The following TENM2 variants were observed in gnomAD, a reference collection of about 807,000 sequenced individuals.
TENM2 encodes teneurin transmembrane protein 2, also known as teneurin-2.
A neutral mutation model predicts 245.2 loss-of-function variants in TENM2; 52 were observed. The observed-to-expected ratio is 0.21, with a 90% CI of 0.17 to 0.27. The LOEUF (loss-of-function observed/expected upper bound fraction) is 0.27. TENM2 is among the 10% of genes least tolerant of loss of function. TENM2 has a pLI of 1.00. For missense variants in TENM2, 3,046 were observed against 3,666.8 expected, an observed-to-expected ratio of 0.83 and a Z score of 4.37; for synonymous variants, 1,363 against 1,438.9, an observed-to-expected ratio of 0.95 and a Z score of 1.19.
At chr5:167,726,757 C>T (rs1760036801) in intron 2 of TENM2, among the ~76,000 whole-genome samples, 3 of 152,236 alleles carry the variant, frequency 2.0e-5, no homozygotes, top group South Asian at 2.1e-4. Context: ...CTATGCTGGG[C>T]CCCCTTTTCT....
intron 2 of TENM2, among the ~76,000 whole-genome samples, chr5:167,797,577 C>T (rs946929201): frequency 6.6e-6 from 1 of 152,108 alleles, no homozygotes; most frequent in African/African-American, 2.4e-5. Context: ...GTATTTCTTT[C>T]GCAATGTGTG....
intron 2 of TENM2, among the ~76,000 whole-genome samples, chr5:167,872,328 A>AAG (rs1772922710): frequency 1.6e-5 from 2 of 124,060 alleles, no homozygotes; most frequent in Non-Finnish European, 3.6e-5. Context: ...GAAAGAAAGA[A>AAG]AGAAAGAAAG....
chr5:167,880,521 A>G (rs1451518250), intron 3 of TENM2, among the ~76,000 whole-genome samples: 1 of 135,910 alleles, frequency 7.4e-6, no homozygotes, highest in Non-Finnish European at 1.7e-5. Flanking sequence ...GGAAAAGAAG[A>G]TGCATAATAC....
At chr5:167,423,774 AT>A (rs1240788509) in intron 2 of TENM2, among the ~76,000 whole-genome samples, 1 of 152,150 alleles carries the variant, frequency 6.6e-6, no homozygotes, top group Non-Finnish European at 1.5e-5. Flanking sequence ...AATCATTTTC[AT>A]TCACCCTCGG....
intron 2 of TENM2, among the ~76,000 whole-genome samples, chr5:167,869,974 A>G (rs1772674698): frequency 6.6e-6 from 1 of 152,228 alleles, no homozygotes; most frequent in Non-Finnish European, 1.5e-5. Context: ...CAAACCCCAA[A>G]GATTTAGAGA....
the TENM2 span, among the ~76,000 whole-genome samples, chr5:167,231,030 T>C: frequency 0.034 from 5,221 of 152,248 alleles, 300 homozygotes; most frequent in African/African-American, 0.12. Flanking sequence ...GCACTCATTC[T>C]CTCTCCTGCT....
chr5:167,992,901 T>G, intron 4 of TENM2, 43 bp from the exon 7 acceptor site: 1 of 1,506,858 alleles, frequency 6.6e-7, no homozygotes, highest in Non-Finnish European at 9.2e-7. Context: ...TGTTGCTCCT[T>G]GGCTACCCAT....
chr5:167,128,095 C>T, the TENM2 span, among the ~76,000 whole-genome samples: 1 of 152,172 alleles, frequency 6.6e-6, no homozygotes, highest in Non-Finnish European at 1.5e-5. Flanking sequence ...CATAGCCTTC[C>T]TGTGCCTGCG....
chr5:167,890,551 T>C (rs982233429), intron 3 of TENM2, among the ~76,000 whole-genome samples: 5 of 152,146 alleles, frequency 3.3e-5, no homozygotes, highest in Non-Finnish European at 4.4e-5. Flanking sequence ...GTGACAATGT[T>C]GAAAAACCAA....
At chr5:167,194,937 C>T in the TENM2 span, among the ~76,000 whole-genome samples, 9 of 151,944 alleles carry the variant, frequency 5.9e-5, no homozygotes, top group African/African-American at 9.7e-5. Flanking sequence ...TGTTAGGTGC[C>T]GAACATCACA....
At chr5:167,493,120 A>C (rs929857091) in intron 2 of TENM2, among the ~76,000 whole-genome samples, 8 of 152,170 alleles carry the variant, frequency 5.3e-5, no homozygotes, top group Non-Finnish European at 1.2e-4. Flanking sequence ...TATTCATTGA[A>C]TCATTCATTC....
rs959864532 is a variant in TENM2, at chr5:168,246,191, G to A, written c.5818-566G>A. Among the ~76,000 whole-genome samples, 9 of 148,386 alleles carry A rather than the reference G, an allele frequency of 6.1e-5. No homozygotes were observed. In the Admixed American group the frequency reaches 6.1e-4, roughly 10 times the overall value. On this transcript the variant is annotated intron_variant, in intron 26 of 28. Coordinates refer to ENST00000518659, the Ensembl canonical transcript of TENM2. Reference sequence around the variant, plus strand: ...GAGTAGGTTGCAGTGAGCTGAGATTGCACCACTGCACTCCAGCCTGGGTGA... The same window carrying A: ...GAGTAGGTTGCAGTGAGCTGAGATTACACCACTGCACTCCAGCCTGGGTGA...
chr5:167,283,067 G>A (rs1771145133), upstream of TENM2, among the ~76,000 whole-genome samples: 1 of 151,158 alleles, frequency 6.6e-6, no homozygotes, highest in Non-Finnish European at 1.5e-5. Context: ...TTTTTGAGAT[G>A]GAGTTTCACA....
intron 5 of TENM2, among the ~76,000 whole-genome samples, chr5:168,025,370 G>A (rs1419473767): frequency 2.0e-5 from 3 of 152,186 alleles, no homozygotes; most frequent in African/African-American, 7.2e-5. Context: ...AAAAGTGTTT[G>A]ACACTTCCCT....
chr5:167,588,428 G>T (rs1775653726), intron 2 of TENM2, among the ~76,000 whole-genome samples: 1 of 152,154 alleles, frequency 6.6e-6, no homozygotes, highest in African/African-American at 2.4e-5. Context: ...CTCCATCAAT[G>T]GGTGTATTGT....
intron 2 of TENM2, among the ~76,000 whole-genome samples, chr5:167,838,064 G>C (rs1053631194): frequency 6.6e-6 from 1 of 152,198 alleles, no homozygotes; most frequent in Non-Finnish European, 1.5e-5. Flanking sequence ...TGAACCACTA[G>C]TGTGAAATAC....
At chr5:167,682,124 C>T (rs28504493) in intron 2 of TENM2, among the ~76,000 whole-genome samples, 89 of 119,988 alleles carry the variant, frequency 7.4e-4, no homozygotes, top group Non-Finnish European at 1.2e-3. Flanking sequence ...CTCCCTCCCT[C>T]CCTGCCTGCC....
chr5:167,695,921 C>T (rs1038777641), intron 2 of TENM2, among the ~76,000 whole-genome samples: 1 of 151,686 alleles, frequency 6.6e-6, no homozygotes, highest in African/African-American at 2.4e-5. Context: ...GTAGTCCCAG[C>T]TACTGGGGAG....
intron 2 of TENM2, among the ~76,000 whole-genome samples, chr5:167,396,395 G>A (rs970950022): frequency 3.3e-5 from 5 of 152,108 alleles, no homozygotes; most frequent in Non-Finnish European, 5.9e-5. Flanking sequence ...ATTATATGAA[G>A]TATCTAAGAT....
Sources: allele counts gnomAD v4.1 joint callset (sites outside exome capture counted in the v4.1 genomes callset), GRCh38; gene constraint gnomAD v4.1.1; transcripts MANE v1.5; gene names NCBI Gene and HGNC (gene_info 2026-07-23, HGNC 2026-07-21).